The following TRPM3 variants were observed in gnomAD, a reference collection of about 807,000 sequenced individuals.
TRPM3 encodes the protein long transient receptor potential channel 3.
A neutral mutation model predicts 181.2 loss-of-function variants in TRPM3; 77 were observed. The observed-to-expected ratio is 0.42, with a 90% CI of 0.35 to 0.51. The LOEUF is 0.51. Among genes scored for constraint, TRPM3 ranks in the 20% least tolerant of loss-of-function variants. The pLI is 0.01. For synonymous variants in TRPM3, 745 were observed against 796.4 expected (o/e 0.94, Z 1.09); for missense variants, 1,759 against 2,196.7 (o/e 0.80, Z 3.98).
intron 1 of TRPM3, among the ~76,000 whole-genome samples, chr9:71,319,032 G>T (rs1309977884): frequency 5.4e-5 from 1 of 18,512 alleles, no homozygotes; most frequent in African/African-American, 9.2e-5. Flanking sequence ...ACAAAATTGT[G>T]AGATTCACCA....
intron 8 of TRPM3, among the ~76,000 whole-genome samples, chr9:70,750,193 G>A (rs11142564): frequency 0.15 from 23,141 of 152,122 alleles, 2,349 homozygotes; most frequent in East Asian, 0.39. Flanking sequence ...CTGGATGCTC[G>A]CAGTTTCATG....
At chr9:70,677,967 A>G (rs2064448866) in intron 9 of TRPM3, among the ~76,000 whole-genome samples, 1 of 150,794 alleles carries the variant, frequency 6.6e-6, no homozygotes, top group Admixed American at 6.6e-5. Flanking sequence ...AGTAAGACAC[A>G]CTTATAAGTA....
At chr9:71,279,495 T>C (rs143787251) in intron 1 of TRPM3, among the ~76,000 whole-genome samples, 343 of 152,340 alleles carry the variant, frequency 2.3e-3, no homozygotes, top group African/African-American at 7.9e-3. Flanking sequence ...AATGAAACTG[T>C]ATGTTTTTAC....
chr9:70,638,073 C>A (rs991931453), intron 11 of TRPM3, among the ~76,000 whole-genome samples: 6 of 152,130 alleles, frequency 3.9e-5, no homozygotes, highest in Non-Finnish European at 8.8e-5. Flanking sequence ...CCTGAGGGTT[C>A]CTCCTTTGTG....
intron 1 of TRPM3, among the ~76,000 whole-genome samples, chr9:71,288,295 C>T (rs1212124235): frequency 6.6e-6 from 1 of 151,812 alleles, no homozygotes; most frequent in Non-Finnish European, 1.5e-5. Context: ...ACGATAAACG[C>T]TATTTTCTGG....
At chr9:71,130,007 T>A (rs917222232) in intron 1 of TRPM3, among the ~76,000 whole-genome samples, 5 of 152,234 alleles carry the variant, frequency 3.3e-5, no homozygotes, top group Non-Finnish European at 5.9e-5. Context: ...GAAAAAGGGA[T>A]GTTTCTAAAT....
intron 6 of TRPM3, among the ~76,000 whole-genome samples, chr9:70,817,247 G>T (rs535601802): frequency 6.6e-6 from 1 of 152,276 alleles, no homozygotes; most frequent in East Asian, 1.9e-4. Context: ...GAGCTAAAAT[G>T]GTGTGTGTGA....
intron 1 of TRPM3, among the ~76,000 whole-genome samples, chr9:71,203,700 G>T (rs1176024930): frequency 6.6e-6 from 1 of 152,062 alleles, no homozygotes; most frequent in Non-Finnish European, 1.5e-5. Flanking sequence ...TTGTTGTGAG[G>T]ATTAAATGAT....
At chr9:71,405,330 G>T (rs890821396) in intron 1 of TRPM3, among the ~76,000 whole-genome samples, 1 of 151,948 alleles carries the variant, frequency 6.6e-6, no homozygotes, top group Non-Finnish European at 1.5e-5. Context: ...TTCCTTTTAG[G>T]AATTTAAAAA....
At chr9:71,032,081 A>AAT in intron 1 of TRPM3, among the ~76,000 whole-genome samples, 1 of 4,462 alleles carries the variant, frequency 2.2e-4, no homozygotes, top group South Asian at 7.1e-3. Context: ...ATTATATTAT[A>AAT]TATATATAAT....
chr9:71,141,348 A>T (rs555757961), intron 1 of TRPM3, among the ~76,000 whole-genome samples: 16 of 150,240 alleles, frequency 1.1e-4, no homozygotes, highest in Non-Finnish European at 1.9e-4. Context: ...TCAGAAAAAT[A>T]AAAAAAAATA....
At chr9:71,073,367 G>T (rs569445677) in intron 1 of TRPM3, among the ~76,000 whole-genome samples, 3 of 152,188 alleles carry the variant, frequency 2.0e-5, no homozygotes, top group Admixed American at 2.0e-4. Context: ...GACATGTGAC[G>T]GTTCAAACTA....
intron 22 of TRPM3, among the ~76,000 whole-genome samples, chr9:70,590,826 A>G (rs965903379): frequency 1.3e-5 from 2 of 152,214 alleles, no homozygotes; most frequent in Non-Finnish European, 2.9e-5. Flanking sequence ...AGAACATGAC[A>G]TACCTAAAGA....
chr9:71,117,051 G>A (rs1019627535), intron 1 of TRPM3, among the ~76,000 whole-genome samples: 1 of 152,146 alleles, frequency 6.6e-6, no homozygotes, highest in Admixed American at 6.5e-5. Context: ...CTACAGCAAA[G>A]ATAGAAACTC....
chr9:70,968,694 G>A (rs773044649), intron 1 of TRPM3, among the ~76,000 whole-genome samples: 5 of 152,014 alleles, frequency 3.3e-5, no homozygotes, highest in African/African-American at 4.8e-5. Flanking sequence ...TTTATGTGTC[G>A]GGGCTGTGAT....
intron 9 of TRPM3, among the ~76,000 whole-genome samples, chr9:70,676,279 G>GTA (rs754301978): frequency 6.6e-6 from 1 of 152,194 alleles, no homozygotes; most frequent in Non-Finnish European, 1.5e-5. Context: ...CAGTGCACAT[G>GTA]TACGAATGAA....
chr9:71,401,567 C>T (rs991324398), intron 1 of TRPM3, among the ~76,000 whole-genome samples: 1 of 152,138 alleles, frequency 6.6e-6, no homozygotes, highest in African/African-American at 2.4e-5. Context: ...GAAGAACTTA[C>T]CCTTGATGAG....
At chr9:71,316,201 G>T (rs1049009215) in intron 1 of TRPM3, among the ~76,000 whole-genome samples, 1 of 152,162 alleles carries the variant, frequency 6.6e-6, no homozygotes, top group African/African-American at 2.4e-5. Flanking sequence ...ACTAAAAGGT[G>T]TTATCCCAAC....
At chr9:70,679,875 G>A (rs1377979623) in intron 9 of TRPM3, among the ~76,000 whole-genome samples, 1 of 152,034 alleles carries the variant, frequency 6.6e-6, no homozygotes, top group Non-Finnish European at 1.5e-5. Flanking sequence ...TTTTATTTTT[G>A]TCTCTGATAA....
Sources: allele counts gnomAD v4.1 joint callset (sites outside exome capture counted in the v4.1 genomes callset), GRCh38; gene constraint gnomAD v4.1.1; transcripts MANE v1.5; gene names NCBI Gene and HGNC (gene_info 2026-07-23, HGNC 2026-07-21).